Variants in PXT1 observed in about 807,000 individuals in gnomAD.
The protein encoded by PXT1 is peroxisomal testis enriched protein 1, also known as peroxisomal testis-specific protein 1.
PXT1 carries 11 observed loss-of-function variants against 11.0 expected under a neutral mutation model. The observed-to-expected ratio is 1.00, with a 90% confidence interval of 0.63 to 1.66. PXT1 has a LOEUF of 1.66. PXT1 is among the 40% of genes most tolerant of loss of function. PXT1 has a pLI of 0.00. For synonymous variants in PXT1, 43 were observed against 51.4 expected, an observed-to-expected ratio of 0.84 and a Z score of 0.70; for missense variants, 141 against 155.5, an observed-to-expected ratio of 0.91 and a Z score of 0.49.
intron 3 of PXT1, among the ~76,000 whole-genome samples, chr6:36,405,763 T>A (rs1057422911): frequency 6.6e-6 from 1 of 152,232 alleles, no homozygotes; most frequent in African/African-American, 2.4e-5. Context: ...GTATAAAAGA[T>A]AACCACTTTT....
intron 4 of PXT1, among the ~76,000 whole-genome samples, chr6:36,394,886 C>T (rs925841488): frequency 2.0e-5 from 3 of 152,050 alleles, no homozygotes; most frequent in Non-Finnish European, 4.4e-5. Context: ...ACTACGGCCT[C>T]GAATTCCTGG....
intron 3 of PXT1, among the ~76,000 whole-genome samples, chr6:36,408,614 G>T (rs1014127276): frequency 6.7e-6 from 1 of 149,146 alleles, no homozygotes. Flanking sequence ...CAGGTGCTTT[G>T]CAGCATTTTG....
At chr6:36,400,725 T>C (rs1243673752) in intron 3 of PXT1, 141 bp from the exon 4 acceptor site, 1 of 827,786 alleles carries the variant, frequency 1.2e-6, no homozygotes, top group East Asian at 3.3e-5. Flanking sequence ...TCCCAGCACT[T>C]TAGGAGGCCG....
chr6:36,427,983 T>G (rs372078434), intron 2 of PXT1, among the ~76,000 whole-genome samples: 13 of 152,288 alleles, frequency 8.5e-5, no homozygotes, highest in African/African-American at 3.1e-4. Flanking sequence ...GATAGGGAGC[T>G]GAGAAATGAG....
At chr6:36,407,115 T>C (rs1774302940) in intron 3 of PXT1, among the ~76,000 whole-genome samples, 1 of 152,242 alleles carries the variant, frequency 6.6e-6, no homozygotes, top group Admixed American at 6.5e-5. Flanking sequence ...GTGATACTAG[T>C]AGGTTGTGTT....
At chr6:36,440,644 A>G (rs905303142) in intron 1 of PXT1, among the ~76,000 whole-genome samples, 3 of 152,086 alleles carry the variant, frequency 2.0e-5, no homozygotes, top group African/African-American at 4.8e-5. Flanking sequence ...GGGTCTTGAG[A>G]TACCTACATT....
At chr6:36,401,935 A>G (rs1774220558) in intron 3 of PXT1, among the ~76,000 whole-genome samples, 1 of 148,464 alleles carries the variant, frequency 6.7e-6, no homozygotes, top group Non-Finnish European at 1.5e-5. Flanking sequence ...ATAACTATAT[A>G]TAAAAAATGT....
intron 2 of PXT1, among the ~76,000 whole-genome samples, chr6:36,427,314 T>C (rs1774623023): frequency 7.6e-6 from 1 of 131,484 alleles, no homozygotes. Context: ...TTATGACTTG[T>C]TGTCTTCCTG....
chr6:36,409,920 A>G (rs1199043077), intron 3 of PXT1, among the ~76,000 whole-genome samples: 2 of 142,172 alleles, frequency 1.4e-5, no homozygotes, highest in African/African-American at 5.3e-5. Context: ...GAAGGGAGAA[A>G]GGAAGAAAGG....
At chr6:36,405,376 T>C (rs1050179875) in intron 3 of PXT1, among the ~76,000 whole-genome samples, 3 of 137,974 alleles carry the variant, frequency 2.2e-5, no homozygotes, top group Non-Finnish European at 3.1e-5. Flanking sequence ...GAAGAAAAAC[T>C]GTTTTTTTTT....
chr6:36,409,653 G>A (rs1023985019), intron 3 of PXT1, among the ~76,000 whole-genome samples: 18 of 151,580 alleles, frequency 1.2e-4, no homozygotes, highest in South Asian at 8.4e-4. Context: ...TGACGAAACC[G>A]CGTCTCTAGA....
chr6:36,410,659 C>T (rs1194432408), intron 3 of PXT1, among the ~76,000 whole-genome samples: 1 of 152,180 alleles, frequency 6.6e-6, no homozygotes, highest in African/African-American at 2.4e-5. Context: ...GACCACTCTT[C>T]TTTAATGGAA....
chr6:36,432,525 A>C (rs1202151568), intron 2 of PXT1, among the ~76,000 whole-genome samples: 2 of 152,174 alleles, frequency 1.3e-5, no homozygotes, highest in African/African-American at 4.8e-5. Flanking sequence ...GTCAAGCCTA[A>C]GTGCTTAGAG....
Position 36,390,738 on chromosome 6 carries a change from A to C in PXT1, c.*1032T>G, listed in dbSNP as rs1318683030. The C allele has an allele frequency of 1.3e-5, 2 of 152,256 alleles. No individual in the cohort carries two copies. The highest frequency in any genetic ancestry group is 3.8e-4 in the East Asian group (2 of 5,200). 9.4% of individuals were successfully genotyped at this position (152,256 alleles called of 1,614,324 possible). A position where few individuals can be genotyped will look rare whatever the true frequency, so the allele number is the denominator to read the frequency against. ...GAGGTAGACAAAAAGGTAAAAGAAG[A>C]AGCATGCAGGTGAAAGAACTGCCTA... On this transcript the variant is annotated 3_prime_UTR_variant, in exon 5 of 5. Coordinates refer to ENST00000454782, the MANE Select transcript of PXT1 (RefSeq NM_152990.4).
chr6:36,432,064 C>T (rs1035457186), intron 2 of PXT1, among the ~76,000 whole-genome samples: 2 of 152,042 alleles, frequency 1.3e-5, no homozygotes, highest in Non-Finnish European at 2.9e-5. Flanking sequence ...GCGCAAGACT[C>T]GTCTCAACAA....
intron 3 of PXT1, among the ~76,000 whole-genome samples, chr6:36,409,358 G>C (rs1264283508): frequency 3.3e-5 from 5 of 152,158 alleles, no homozygotes; most frequent in Non-Finnish European, 7.3e-5. Flanking sequence ...AGAAAGCACA[G>C]AGAACCCACC....
intron 3 of PXT1, among the ~76,000 whole-genome samples, chr6:36,401,984 A>T (rs568195122): frequency 3.3e-5 from 5 of 149,696 alleles, no homozygotes; most frequent in East Asian, 3.9e-4. Flanking sequence ...GTATATATAT[A>T]TTTTTTAATA....
chr6:36,438,035 G>A (rs1187681510), intron 2 of PXT1, among the ~76,000 whole-genome samples: 1 of 150,182 alleles, frequency 6.7e-6, no homozygotes, highest in African/African-American at 2.5e-5. Flanking sequence ...GATCAGGCTG[G>A]TCTCGAACTC....
chr6:36,432,460 C>T (rs1198203405), intron 2 of PXT1, among the ~76,000 whole-genome samples: 1 of 152,060 alleles, frequency 6.6e-6, no homozygotes, highest in Non-Finnish European at 1.5e-5. Flanking sequence ...AACCACAATG[C>T]CTGAAAATAG....
Sources: allele counts gnomAD v4.1 joint callset (sites outside exome capture counted in the v4.1 genomes callset), GRCh38; gene constraint gnomAD v4.1.1; transcripts MANE v1.5; gene names NCBI Gene and HGNC (gene_info 2026-07-23, HGNC 2026-07-21).